The following SEMA6D variants were observed in gnomAD, a reference collection of about 807,000 sequenced individuals.
SEMA6D encodes the protein semaphorin 6D.
SEMA6D carries 35 observed loss-of-function variants against 106.6 expected under a neutral mutation model. The observed-to-expected ratio is 0.33, with a 90% CI of 0.25 to 0.44. The LOEUF (loss-of-function observed/expected upper bound fraction) is 0.44. Among genes scored for constraint, SEMA6D ranks in the 20% least tolerant of loss-of-function variants. The probability of loss-of-function intolerance (pLI) is 1.00; values close to 1 mark genes in which losing one functional copy is unlikely to be tolerated. For synonymous variants in SEMA6D, 499 were observed against 487.7 expected (o/e 1.02, Z -0.31); for missense variants, 1,185 against 1,345.9 (o/e 0.88, Z 1.87).
intron 1 of SEMA6D, chr15:47,339,323 C>G (rs2037710538): frequency 6.6e-6 from 1 of 152,172 alleles, no homozygotes; most frequent in South Asian, 2.1e-4. Context: ...AGACTTGTGA[C>G]TGGTATCTGG....
At chr15:47,660,658 T>C (rs1002333781) in intron 4 of SEMA6D, among the ~76,000 whole-genome samples, 2 of 152,220 alleles carry the variant, frequency 1.3e-5, no homozygotes, top group African/African-American at 4.8e-5. Flanking sequence ...GATTTTTTAC[T>C]ATATGCATGC....
chr15:47,649,320 G>T (rs73392834), intron 4 of SEMA6D, among the ~76,000 whole-genome samples: 3,462 of 152,196 alleles, frequency 0.023, 137 homozygotes, highest in African/African-American at 0.08. Context: ...AAATGTCACC[G>T]AGTCATTCAA....
intron 9 of SEMA6D, 126 bp downstream of exon 9, chr15:47,763,230 T>C (rs1271162697): frequency 1.7e-6 from 1 of 603,784 alleles, no homozygotes; most frequent in African/African-American, 1.9e-5. Context: ...TAGGGCCAAC[T>C]GCAGAGAGGT....
chr15:47,571,177 C>G (rs1273487050), intron 3 of SEMA6D, among the ~76,000 whole-genome samples: 2 of 151,870 alleles, frequency 1.3e-5, no homozygotes, highest in African/African-American at 4.8e-5. Context: ...AAGTTCACTT[C>G]TGATGGAGAA....
Position 47,764,192 on chromosome 15 carries a change from C to A in SEMA6D, c.984C>A (p.Val328=). 6.2e-7 allele frequency: 1 copy of A among 1,613,670 alleles called. No homozygotes were observed. The highest frequency in any genetic ancestry group is 1.1e-5 in the South Asian group (1 of 91,018). Residue 328 remains valine, a synonymous_variant, in exon 11 of 19, where the codon GTC becomes GTA. Transcript: ENST00000536845. ...TQLNSIPGSA[V]CAFSMDDIEK... ...TTTTCAGCATCCCTGGTTCTGCTGTCTGTGCATTTAGCATGGATGACATTG... is the reference window on the plus strand; with the variant it reads ...TTTTCAGCATCCCTGGTTCTGCTGTATGTGCATTTAGCATGGATGACATTG...
intron 4 of SEMA6D, among the ~76,000 whole-genome samples, chr15:47,620,068 G>A (rs910381648): frequency 1.9e-4 from 29 of 152,174 alleles, no homozygotes; most frequent in African/African-American, 6.5e-4. Context: ...TGACACCCCA[G>A]CCTGAACTCA....
intron 8 of SEMA6D, among the ~76,000 whole-genome samples, chr15:47,762,699 A>G (rs572442914): frequency 4.6e-5 from 7 of 152,360 alleles, no homozygotes; most frequent in African/African-American, 1.7e-4. Flanking sequence ...CTAGAAATCA[A>G]GATTTTTTAT....
chr15:47,345,335 A>G (rs910840332), intron 1 of SEMA6D, among the ~76,000 whole-genome samples: 3 of 152,204 alleles, frequency 2.0e-5, no homozygotes, highest in African/African-American at 7.2e-5. Flanking sequence ...AGCTGCAGTA[A>G]TCAAAACTGT....
At chr15:47,424,636 C>T (rs1056726662) in intron 2 of SEMA6D, among the ~76,000 whole-genome samples, 1 of 151,958 alleles carries the variant, frequency 6.6e-6, no homozygotes, top group Non-Finnish European at 1.5e-5. Context: ...AGTGGTAGAG[C>T]GTCAGAAATC....
chr15:47,416,927 C>G (rs1344437650), intron 2 of SEMA6D, among the ~76,000 whole-genome samples: 4 of 152,102 alleles, frequency 2.6e-5, no homozygotes, highest in Non-Finnish European at 5.9e-5. Flanking sequence ...ATCTATCACT[C>G]AGACATTTTT....
At chr15:47,611,212 T>C (rs1279976362) in intron 4 of SEMA6D, among the ~76,000 whole-genome samples, 1 of 151,200 alleles carries the variant, frequency 6.6e-6, no homozygotes, top group Non-Finnish European at 1.5e-5. Flanking sequence ...CACACAAACA[T>C]GTAGGAGTCT....
chr15:47,315,996 T>TG (rs2036653930), intron 1 of SEMA6D, among the ~76,000 whole-genome samples: 1 of 152,008 alleles, frequency 6.6e-6, no homozygotes, highest in Non-Finnish European at 1.5e-5. Flanking sequence ...AGGGTTTTTT[T>TG]TTGTGTGTGT....
chr15:47,638,613 G>A (rs1460144249), intron 4 of SEMA6D, among the ~76,000 whole-genome samples: 3 of 152,140 alleles, frequency 2.0e-5, no homozygotes, highest in Non-Finnish European at 4.4e-5. Flanking sequence ...ATTACAGACT[G>A]ATTTTTCAAT....
chr15:47,473,165 C>T (rs1203520511), intron 3 of SEMA6D, among the ~76,000 whole-genome samples: 1 of 152,326 alleles, frequency 6.6e-6, no homozygotes, highest in Non-Finnish European at 1.5e-5. Context: ...AGGAGGCAGA[C>T]AGGCCTCCCT....
At chr15:47,378,309 A>T (rs1220210162) in intron 1 of SEMA6D, among the ~76,000 whole-genome samples, 1 of 152,188 alleles carries the variant, frequency 6.6e-6, no homozygotes, top group Non-Finnish European at 1.5e-5. Flanking sequence ...CAGCCTAGCT[A>T]ACATGGAGAA....
intron 4 of SEMA6D, among the ~76,000 whole-genome samples, chr15:47,630,512 T>G (rs1416982887): frequency 6.6e-6 from 1 of 151,764 alleles, no homozygotes; most frequent in Non-Finnish European, 1.5e-5. Context: ...TTTGAGATTT[T>G]CTATGAAGAC....
At chr15:47,711,377 G>A (rs997066371) in intron 4 of SEMA6D, among the ~76,000 whole-genome samples, 1 of 151,418 alleles carries the variant, frequency 6.6e-6, no homozygotes, top group African/African-American at 2.4e-5. Flanking sequence ...CAATTGATTA[G>A]GTTCGAAGGC....
chr15:47,195,989 T>C (rs1222388751), intron 1 of SEMA6D, among the ~76,000 whole-genome samples: 1 of 150,472 alleles, frequency 6.6e-6, no homozygotes, highest in African/African-American at 2.4e-5. Flanking sequence ...CCTCAGGTGC[T>C]CCACAGCAAG....
intron 1 of SEMA6D, among the ~76,000 whole-genome samples, chr15:47,370,124 T>G (rs2039214228): frequency 6.6e-6 from 1 of 152,224 alleles, no homozygotes; most frequent in South Asian, 2.1e-4. Flanking sequence ...TTTCAGTCCT[T>G]CACTCTTCAA....
Sources: gnomAD v4.1 joint callset for allele counts (sites outside exome capture counted in the v4.1 genomes callset) on GRCh38, gnomAD v4.1.1 for gene constraint, MANE v1.5 for transcripts, NCBI Gene and HGNC (gene_info 2026-07-23, HGNC 2026-07-21) for gene names.